TMEM132D: variants seen among roughly 807,000 people sequenced by gnomAD.
TMEM132D encodes the protein transmembrane protein 132D.
In TMEM132D, 21 loss-of-function variants were observed where a neutral mutation model predicts 62.3. The ratio of observed to expected loss-of-function variants is 0.34; its 90% CI spans 0.24 to 0.49. The LOEUF (loss-of-function observed/expected upper bound fraction) is 0.49, where lower values mean the gene tolerates loss of function less well. TMEM132D is among the 20% of genes least tolerant of loss of function. The probability of loss-of-function intolerance (pLI) is 0.99; values close to 1 mark genes in which losing one functional copy is unlikely to be tolerated. For missense variants in TMEM132D, 1,346 were observed against 1,402.8 expected (o/e 0.96, Z 0.65); for synonymous variants, 621 against 575.6 (o/e 1.08, Z -1.13).
At chr12:129,605,587 T>TTATATATATATATATATATATATAGA (rs71301340) in intron 2 of TMEM132D, among the ~76,000 whole-genome samples, 1 of 107,384 alleles carries the variant, frequency 9.3e-6, no homozygotes, top group Non-Finnish European at 1.9e-5. Flanking sequence ...AAATTAGGCA[T>TTATATATATATATATATATATATAGA]TATATATATA....
chr12:129,074,290 T>A lies in TMEM132D; in HGVS notation c.2885A>T (p.His962Leu). 6.2e-7 allele frequency: 1 copy of A among 1,614,146 alleles called. No individual in the cohort carries two copies. Residue 962 changes from histidine (H) to leucine (L), a missense_variant, in exon 9 of 9, where the codon CAT becomes CTT. Physicochemically the swap from His to Leu is moderately conservative, Grantham distance 99. Coordinates refer to ENST00000422113, the MANE Select transcript of TMEM132D (RefSeq NM_133448.3). The part of the protein sequence containing the change: ...FEEQEGMSHS[H>L]DWVGLSNRTE... ...CCGGTTGCTTAACCCAACCCAGTCA[T>A]GAGAGTGACTCATCCCTTCCTGCTC...
At chr12:129,682,313 C>T (rs1880797464) in intron 2 of TMEM132D, among the ~76,000 whole-genome samples, 1 of 152,136 alleles carries the variant, frequency 6.6e-6, no homozygotes, top group Admixed American at 6.5e-5. Context: ...GTTTATACTC[C>T]ACAACACCTG....
At chr12:129,617,683 AC>A (rs1438643830) in intron 2 of TMEM132D, among the ~76,000 whole-genome samples, 11 of 152,070 alleles carry the variant, frequency 7.2e-5, no homozygotes, top group African/African-American at 2.2e-4. Context: ...GGTGCCTCAC[AC>A]CAGAGGACCT....
intron 3 of TMEM132D, among the ~76,000 whole-genome samples, chr12:129,403,670 G>A (rs185684461): frequency 1.7e-3 from 257 of 152,236 alleles, no homozygotes; most frequent in African/African-American, 5.3e-3. Flanking sequence ...CGGGGAAAAC[G>A]AGAGCAACAA....
chr12:129,447,944 C>A (rs1873156236), intron 3 of TMEM132D, among the ~76,000 whole-genome samples: 1 of 152,224 alleles, frequency 6.6e-6, no homozygotes, highest in South Asian at 2.1e-4. Flanking sequence ...ACAGTGAGTG[C>A]TTGACAACAA....
chr12:129,708,347 G>A lies in TMEM132D; in HGVS notation c.80-7649C>T, dbSNP rs1002395021. Among the ~76,000 whole-genome samples, 5 of 152,218 alleles carry A rather than the reference G, an allele frequency of 3.3e-5. No homozygotes were observed. In the East Asian group the frequency reaches 7.7e-4, roughly 24 times the overall value. ...TTCCCAAACACACTAATCCTATTTA[G>A]CCTTTGTGAGTCCTGACCCTTCACC... On this transcript the variant is annotated intron_variant, in intron 1 of 8. Coordinates refer to ENST00000422113, the MANE Select transcript of TMEM132D (RefSeq NM_133448.3).
At chr12:129,129,949 C>G (rs1304162894) in intron 5 of TMEM132D, among the ~76,000 whole-genome samples, 1 of 151,268 alleles carries the variant, frequency 6.6e-6, no homozygotes, top group African/African-American at 2.4e-5. Context: ...CTAGCCCAAC[C>G]TATTCTTTGT....
chr12:129,185,727 GTCTA>G (rs569104040), intron 5 of TMEM132D, among the ~76,000 whole-genome samples: 64 of 149,868 alleles, frequency 4.3e-4, no homozygotes, highest in South Asian at 8.4e-4. Flanking sequence ...CTATCTATCT[GTCTA>G]TCTATCTATC....
Position 129,739,514 on chromosome 12 carries a change from C to T in TMEM132D, c.80-38816G>A, listed in dbSNP as rs574904973. The stretch of plus-strand genomic sequence containing the variant: ...AACAAAACAGAAGAAGAATAACCCT[C>T]TTCTGGGGACACAAATGGGATTTCC... On this transcript the variant is annotated intron_variant, in intron 1 of 8. Transcript: ENST00000422113. Among the ~76,000 whole-genome samples, 32 of 152,322 alleles carry T rather than the reference C, an allele frequency of 2.1e-4. No homozygotes were observed. In the South Asian group the frequency reaches 6.6e-3, roughly 32 times the overall value.
intron 2 of TMEM132D, among the ~76,000 whole-genome samples, chr12:129,657,636 T>C (rs950871266): frequency 1.3e-5 from 2 of 152,206 alleles, no homozygotes; most frequent in Admixed American, 6.5e-5. Flanking sequence ...TACGGGTAAG[T>C]TAATGGCAAA....
intron 4 of TMEM132D, among the ~76,000 whole-genome samples, chr12:129,223,975 T>C (rs1044230214): frequency 1.3e-5 from 2 of 152,168 alleles, no homozygotes; most frequent in African/African-American, 4.8e-5. Context: ...CCTTATAAGT[T>C]GTGCATTGCA....
At position 129,106,996 on chromosome 12, in the gene TMEM132D, A is replaced by G. The variant is rs184725463; in HGVS notation, c.1444-22294T>C. On this transcript the variant is annotated intron_variant, in intron 5 of 8. Coordinates refer to ENST00000422113, the MANE Select transcript of TMEM132D (RefSeq NM_133448.3). ...CTGTTTGTTACCTCAGCATCCCCTA[A>G]CTGATCCTGACTAATTGAGATGGCA... 3.7e-4 allele frequency among the ~76,000 whole-genome samples: 56 copies of G among 152,288 alleles called. 1 individual carries two copies. The East Asian group carries it at 7.5e-3, about 20-fold the overall frequency.
chr12:129,089,425 C>T lies in TMEM132D; in HGVS notation c.1444-4723G>A, dbSNP rs1251900500. On this transcript the variant is annotated intron_variant, in intron 5 of 8. Transcript: ENST00000422113. ...CCCTGACCGGGATGTCCTCCATGACCGGGGTGTCCTCCATGACCGGGGTGT... is the reference window on the plus strand; with the variant it reads ...CCCTGACCGGGATGTCCTCCATGACTGGGGTGTCCTCCATGACCGGGGTGT... Among the ~76,000 whole-genome samples the T allele has an allele frequency of 8.4e-5, 5 of 59,810 alleles. 2 individuals carry two copies. The highest frequency in any genetic ancestry group is 3.7e-4 in the African/African-American group (3 of 8,176). 39.2% of individuals were successfully genotyped at this position (59,810 alleles called of 152,430 possible).
chr12:129,248,054 T>A (rs577154634), intron 4 of TMEM132D, among the ~76,000 whole-genome samples: 1 of 152,180 alleles, frequency 6.6e-6, no homozygotes, highest in Non-Finnish European at 1.5e-5. Flanking sequence ...TACCTCGATA[T>A]CATTAACTAA....
At position 129,903,230 on chromosome 12, in the gene TMEM132D, C is replaced by T. The variant is rs1251312851; in HGVS notation, c.79+31G>A. The T allele has an allele frequency of 1.1e-5, 17 of 1,550,684 alleles. No individual in the cohort carries two copies. Among genetic ancestry groups the T allele is most frequent in the South Asian group, 2.4e-5 (2 of 84,042 alleles). ...CACACTCACTCCAGGCGAAGTTAGT[C>T]CCCGGGCCCTGGCGGCCGCGGCGTC... On this transcript the variant is annotated intron_variant, in intron 1 of 8. Transcript: ENST00000422113. This position sits in a 1 kb window ranked among gnomAD's most constrained non-coding sequence, Gnocchi z 6.2.
intron 5 of TMEM132D, among the ~76,000 whole-genome samples, chr12:129,201,043 G>A (rs920993527): frequency 1.3e-5 from 2 of 152,228 alleles, no homozygotes; most frequent in Non-Finnish European, 2.9e-5. Context: ...AAGGGTGGAT[G>A]TTGATGCTGT....
chr12:129,598,514 G>T (rs1878402643), intron 2 of TMEM132D, among the ~76,000 whole-genome samples: 1 of 152,126 alleles, frequency 6.6e-6, no homozygotes, highest in Admixed American at 6.5e-5. Flanking sequence ...TGTTGTTGTT[G>T]CTTCTAAGTC....
intron 1 of TMEM132D, among the ~76,000 whole-genome samples, chr12:129,809,724 T>A (rs1872112077): frequency 6.6e-6 from 1 of 152,032 alleles, no homozygotes; most frequent in Non-Finnish European, 1.5e-5. Context: ...AGTCTAATAA[T>A]AAAAAATAAT....
intron 3 of TMEM132D, among the ~76,000 whole-genome samples, chr12:129,505,969 A>G (rs1430330449): frequency 6.6e-6 from 1 of 152,164 alleles, no homozygotes; most frequent in Admixed American, 6.5e-5. Flanking sequence ...GTGAATTCTT[A>G]TCCACTCTGT....
Sources: allele counts gnomAD v4.1 joint callset (sites outside exome capture counted in the v4.1 genomes callset), GRCh38; gene constraint gnomAD v4.1.1; non-coding constraint Gnocchi (gnomAD v3.1); transcripts MANE v1.5; gene names NCBI Gene and HGNC (gene_info 2026-07-23, HGNC 2026-07-21).